MACF1: variants seen among roughly 807,000 people sequenced by gnomAD.
MACF1 encodes microtubule-actin cross-linking factor 1.
In MACF1, 193 loss-of-function variants were observed where a neutral mutation model predicts 854.8. The ratio of observed to expected loss-of-function variants is 0.23; its 90% CI spans 0.20 to 0.25. The LOEUF (loss-of-function observed/expected upper bound fraction) is 0.25. Among genes scored for constraint, MACF1 ranks in the 10% least tolerant of loss-of-function variants. MACF1 has a pLI of 1.00. For synonymous variants in MACF1, 3,185 were observed against 3,226.7 expected (o/e 0.99, Z 0.44); for missense variants, 7,722 against 8,929.1 (o/e 0.86, Z 5.45).
intron 6 of MACF1, among the ~76,000 whole-genome samples, chr1:39,265,782 C>T (rs1479191880): frequency 6.6e-6 from 1 of 152,122 alleles, no homozygotes; most frequent in African/African-American, 2.4e-5. Context: ...ATCTTAGGAT[C>T]CCCCCGGGGG....
chr1:39,417,891 T>C (rs953169278), intron 58 of MACF1, among the ~76,000 whole-genome samples: 16 of 152,022 alleles, frequency 1.1e-4, no homozygotes, highest in African/African-American at 3.1e-4. Flanking sequence ...GTAAATATTA[T>C]GAGTACCTAC....
intron 49 of MACF1, among the ~76,000 whole-genome samples, chr1:39,367,874 G>T (rs1486869607): frequency 6.6e-6 from 1 of 151,772 alleles, no homozygotes; most frequent in Non-Finnish European, 1.5e-5. Flanking sequence ...AGATGCTGAG[G>T]CAGGAGAATC....
chr1:39,433,726 C>G (rs533833815), intron 68 of MACF1, among the ~76,000 whole-genome samples: 4 of 152,064 alleles, frequency 2.6e-5, no homozygotes, highest in Admixed American at 2.6e-4. Context: ...ACAGGCAAAA[C>G]TTGATAGGCA....
chr1:39,094,455 C>T (rs1641887908), intron 2 of MACF1, among the ~76,000 whole-genome samples: 1 of 150,954 alleles, frequency 6.6e-6, no homozygotes, highest in Non-Finnish European at 1.5e-5. Flanking sequence ...CGCATGGTGG[C>T]TCACGCCTGT....
chr1:39,363,641 G>C (rs928584200), intron 49 of MACF1, among the ~76,000 whole-genome samples: 1 of 141,118 alleles, frequency 7.1e-6, no homozygotes, highest in Non-Finnish European at 1.5e-5. Context: ...CTTACTCTGC[G>C]CTCTGTTGCC....
intron 97 of MACF1, among the ~76,000 whole-genome samples, chr1:39,476,498 G>A (rs1046001126): frequency 2.0e-5 from 3 of 151,906 alleles, no homozygotes; most frequent in Non-Finnish European, 4.4e-5. Flanking sequence ...TTGAACCCAG[G>A]AGGCGGAGGT....
intron 100 of MACF1, 139 bp downstream of exon 100, chr1:39,484,869 G>T: frequency 1.1e-6 from 1 of 939,922 alleles, no homozygotes; most frequent in Non-Finnish European, 1.7e-6. Flanking sequence ...ACCTGCAGAT[G>T]CTCAAGTGAC....
chr1:39,198,245 A>G (rs1304953664), intron 2 of MACF1, among the ~76,000 whole-genome samples: 1 of 152,186 alleles, frequency 6.6e-6, no homozygotes, highest in African/African-American at 2.4e-5. Flanking sequence ...GCGGTGGCTC[A>G]TGCCTATAAT....
In MACF1 at chr1:39,333,946, A is replaced by G; in HGVS notation, c.7358A>G (p.Lys2453Arg). The change falls in exon 37 of 101, where the codon AAA becomes AGA. Residue 2453 changes from lysine (K) to arginine (R), a missense_variant. Physicochemically the swap from Lys to Arg is conservative, Grantham distance 26. Coordinates refer to ENST00000564288, the MANE Select transcript of MACF1 (RefSeq NM_001394062.1). ...GCTTCCAAAGGTAGAGATGCTGAAA[A>G]AACAGTTAGGGAGAGATTAATTAGT... ...EKASKGRDAE[K>R]TVRERLISLQ... 2.5e-6 allele frequency: 4 copies of G among 1,614,198 alleles called. No homozygotes were observed. The highest frequency in any genetic ancestry group is 3.4e-6 in the Non-Finnish European group (4 of 1,180,030).
At chr1:39,323,737 A>G (rs571284368) in intron 33 of MACF1, among the ~76,000 whole-genome samples, 1 of 152,286 alleles carries the variant, frequency 6.6e-6, no homozygotes, top group Admixed American at 6.5e-5. Flanking sequence ...TTATAAAAAA[A>G]AAGCTGTTAA....
intron 6 of MACF1, among the ~76,000 whole-genome samples, chr1:39,273,141 T>C (rs1401948429): frequency 6.7e-6 from 1 of 149,316 alleles, no homozygotes; most frequent in South Asian, 2.2e-4. Flanking sequence ...ATTTTTTTTT[T>C]TTTTTTTTTT....
Position 39,336,019 on chromosome 1 carries a change from C to T in MACF1, c.9431C>T (p.Thr3144Ile), listed in dbSNP as rs745674971. 3.1e-6 allele frequency: 5 copies of T among 1,614,096 alleles called. No individual in the cohort carries two copies. In the South Asian group the frequency reaches 5.5e-5, roughly 18 times the overall value. ...TTCCAAGGAACCACCAGACAGGAGACCAACTATCAAGATTCCTGGGTTACT... is the reference window on the plus strand; with the variant it reads ...TTCCAAGGAACCACCAGACAGGAGATCAACTATCAAGATTCCTGGGTTACT... Reference protein sequence around the residue: ...KSFQGTTRQETNYQDSWVTSK... With the variant: ...KSFQGTTRQEINYQDSWVTSK... Residue 3144 changes from threonine to isoleucine, a missense_variant, in exon 37 of 101, where the codon ACC becomes ATC. Physicochemically the swap from Thr to Ile is moderately conservative, Grantham distance 89. Coordinates refer to ENST00000564288, the MANE Select transcript of MACF1 (RefSeq NM_001394062.1).
At chr1:39,410,567 C>T in intron 58 of MACF1, 1 of 1,614,002 alleles carries the variant, frequency 6.2e-7, no homozygotes, top group Non-Finnish European at 8.5e-7. Flanking sequence ...ATATTTGATG[C>T]ACTAAAGCTA....
chr1:39,207,711 AT>A (rs1644467746), intron 1 of MACF1, among the ~76,000 whole-genome samples: 2 of 152,214 alleles, frequency 1.3e-5, no homozygotes, highest in Admixed American at 1.3e-4. Flanking sequence ...TGAAGCTGTT[AT>A]TATTTGTTTC....
At chr1:39,371,194 C>T (rs1036049431) in intron 51 of MACF1, among the ~76,000 whole-genome samples, 4 of 151,788 alleles carry the variant, frequency 2.6e-5, no homozygotes, top group African/African-American at 9.7e-5. Flanking sequence ...TGGCAGGTGC[C>T]TGTAATCCCA....
Position 39,294,981 on chromosome 1 carries a change from T to C in MACF1, c.2155-65T>C, listed in dbSNP as rs1161810690. ...CCTTTAAAATAGGGAACACAGCTTT[T>C]ATTTATGCTATCCGCTCCCCACTGC... On this transcript the variant is annotated intron_variant, in intron 18 of 100. Transcript: ENST00000564288. The C allele has an allele frequency of 2.5e-6, 3 of 1,194,812 alleles. No individual in the cohort carries two copies. In the African/African-American group the frequency reaches 4.5e-5, roughly 18 times the overall value. 74.0% of individuals were successfully genotyped at this position (1,194,812 alleles called of 1,614,324 possible). A position where few individuals can be genotyped will look rare whatever the true frequency, so the allele number is the denominator to read the frequency against.
intron 2 of MACF1, among the ~76,000 whole-genome samples, chr1:39,087,843 A>G (rs987376864): frequency 1.3e-5 from 2 of 150,588 alleles, no homozygotes; most frequent in African/African-American, 4.9e-5. Context: ...CGCAATCTCA[A>G]CTCACTGCAA....
At chr1:39,198,156 C>T (rs1163643893) in intron 2 of MACF1, among the ~76,000 whole-genome samples, 4 of 152,122 alleles carry the variant, frequency 2.6e-5, no homozygotes, top group Non-Finnish European at 4.4e-5. Context: ...TATGATTGTG[C>T]CACTGCATTC....
At chr1:39,429,073 T>A (rs980347324) in intron 63 of MACF1, among the ~76,000 whole-genome samples, 169 bp from the exon 64 acceptor site, 1 of 152,192 alleles carries the variant, frequency 6.6e-6, no homozygotes, top group Admixed American at 6.5e-5. Context: ...TTTAATTATT[T>A]TGAATAGTCA....
Sources: allele counts gnomAD v4.1 joint callset (sites outside exome capture counted in the v4.1 genomes callset), GRCh38; gene constraint gnomAD v4.1.1; transcripts MANE v1.5; gene names NCBI Gene and HGNC (gene_info 2026-07-23, HGNC 2026-07-21).